Variants in CD300C observed in about 807,000 individuals in gnomAD.
CD300C encodes the protein CMRF35-like molecule 6.
Under a neutral mutation model 18.4 loss-of-function variants are expected in CD300C, and 11 were observed. The observed-to-expected ratio is 0.60, with a 90% CI of 0.38 to 0.99. The LOEUF (loss-of-function observed/expected upper bound fraction) is 0.99. Among genes scored for constraint, CD300C ranks in the 50% least tolerant of loss-of-function variants. The pLI, the probability that CD300C is intolerant of heterozygous loss-of-function variation, is 0.01. For synonymous variants in CD300C, 116 were observed against 116.3 expected, an observed-to-expected ratio of 1.00 and a Z score of 0.02; for missense variants, 277 against 287.4, an observed-to-expected ratio of 0.96 and a Z score of 0.26.
intron 2 of CD300C, among the ~76,000 whole-genome samples, chr17:74,543,880 G>A (rs904500482): frequency 6.6e-6 from 1 of 152,142 alleles, no homozygotes; most frequent in Non-Finnish European, 1.5e-5. Flanking sequence ...AGGTCCCTTT[G>A]CCTGAGGGGG....
intron 2 of CD300C, 61 bp from the exon 3 acceptor site, chr17:74,543,048 C>G: frequency 6.3e-7 from 1 of 1,598,912 alleles, no homozygotes; most frequent in Non-Finnish European, 8.5e-7. Context: ...TTACTCTCAC[C>G]TGTTCTGCTC....
intron 2 of CD300C, among the ~76,000 whole-genome samples, chr17:74,543,916 T>C (rs1320110819): frequency 6.6e-6 from 1 of 152,018 alleles, no homozygotes; most frequent in African/African-American, 2.4e-5. Flanking sequence ...CCTCCTGTGG[T>C]AAAAGGTGCC....
Position 74,544,788 on chromosome 17 carries a change from G to A in CD300C, c.221C>T (p.Ser74Leu). The A allele has an allele frequency of 6.2e-7, 1 of 1,614,238 alleles. No individual in the cohort carries two copies. Among genetic ancestry groups the A allele is most frequent in the Non-Finnish European group, 8.5e-7 (1 of 1,180,042 alleles). Reference sequence around the variant, plus strand: ...CACTCGGCCATTCCTTTTCCCTGCTGACCCTTTGGTCTCCACAATCTTGTC... The same window carrying A: ...CACTCGGCCATTCCTTTTCCCTGCTAACCCTTTGGTCTCCACAATCTTGTC... ...RCDKIVETKG[S>L]AGKRNGRVSI... Residue 74 changes from serine to leucine, a missense_variant, in exon 2 of 4, where the codon TCA becomes TTA. Transcript: ENST00000330793.
intron 1 of CD300C, among the ~76,000 whole-genome samples, 188 bp from the exon 2 acceptor site, chr17:74,545,135 A>C (rs974310853): frequency 6.6e-6 from 1 of 152,134 alleles, no homozygotes; most frequent in African/African-American, 2.4e-5. Flanking sequence ...GGGCATGGGA[A>C]GTTTCCATGG....
chr17:74,537,998 A>G (rs1402794551), downstream of CD300C, among the ~76,000 whole-genome samples: 1 of 152,218 alleles, frequency 6.6e-6, no homozygotes, highest in Non-Finnish European at 1.5e-5. Context: ...AAATTGCATA[A>G]GATCAGCAAG....
chr17:74,544,467 A>C (rs907464238), intron 2 of CD300C, 142 bp downstream of exon 2: 10 of 828,738 alleles, frequency 1.2e-5, no homozygotes, highest in Non-Finnish European at 1.7e-5. Flanking sequence ...ACGCACTCAC[A>C]CTCATCCACA....
At chr17:74,540,929 A>C (rs746354686), downstream of CD300C, among the ~76,000 whole-genome samples, 2 of 152,154 alleles carry the variant, frequency 1.3e-5, no homozygotes, top group Admixed American at 6.5e-5. Flanking sequence ...GGATGTGTCT[A>C]CCTGAAGGAG....
Position 74,541,452 on chromosome 17 carries a change from AG to A in CD300C, c.*136del. ...CATGTGACACATGAGGATCGGGCAC[AG>A]GGAAAAGGCTGAAGGAGGCTCACAA... is the stretch of plus-strand genomic sequence containing the variant. On this transcript the variant is annotated 3_prime_UTR_variant, in exon 4 of 4. Transcript: ENST00000330793. 1.4e-6 allele frequency: 1 copy of A among 694,630 alleles called. No individual in the cohort carries two copies. The highest frequency in any genetic ancestry group is 2.6e-6 in the Non-Finnish European group (1 of 384,518). The allele number at this position is 694,630 out of a possible 1,614,324, so 43.0% of individuals were successfully genotyped here.
intron 2 of CD300C, 88 bp from the exon 3 acceptor site, chr17:74,543,075 G>A: frequency 6.5e-7 from 1 of 1,544,768 alleles, no homozygotes; most frequent in South Asian, 1.1e-5. Context: ...TCACAGACAA[G>A]GTCACCAATG....
chr17:74,543,045 C>T, intron 2 of CD300C, 58 bp from the exon 3 acceptor site: 1 of 1,603,618 alleles, frequency 6.2e-7, no homozygotes, highest in South Asian at 1.1e-5. Context: ...CACTTACTCT[C>T]ACCTGTTCTG....
downstream of CD300C, among the ~76,000 whole-genome samples, chr17:74,537,830 G>C (rs947470590): frequency 2.0e-5 from 3 of 152,298 alleles, no homozygotes; most frequent in East Asian, 5.8e-4. Flanking sequence ...TGTGGTGCAT[G>C]CCTGTAGTCC....
At chr17:74,540,220 C>T (rs530077542), downstream of CD300C, among the ~76,000 whole-genome samples, 32 of 152,262 alleles carry the variant, frequency 2.1e-4, no homozygotes, top group African/African-American at 7.5e-4. Context: ...GGGATCCTGG[C>T]GCTCACCCCC....
chr17:74,544,603 G>C lies in CD300C; in HGVS notation c.400+6C>G. On this transcript the variant is annotated splice_donor_region_variant and intron_variant, in intron 2 of 3. Coordinates refer to ENST00000330793, the MANE Select transcript of CD300C (RefSeq NM_006678.5). ...AGGCCTGGTGCTGAGAAAAGGAGGG[G>C]CTCACCCGGGAACACGGACACCTCA... is the stretch of plus-strand genomic sequence containing the variant. 1 of 1,604,622 alleles carries C rather than the reference G, an allele frequency of 6.2e-7. No individual in the cohort carries two copies. The highest frequency in any genetic ancestry group is 8.5e-7 in the Non-Finnish European group (1 of 1,173,242).
chr17:74,543,816 C>T (rs928111424), intron 2 of CD300C, among the ~76,000 whole-genome samples: 5 of 152,288 alleles, frequency 3.3e-5, no homozygotes, highest in East Asian at 1.9e-4. Flanking sequence ...GAATGATCTT[C>T]GGCACGGGAA....
downstream of CD300C, among the ~76,000 whole-genome samples, chr17:74,538,222 G>A (rs1051881039): frequency 4.6e-5 from 7 of 152,162 alleles, no homozygotes; most frequent in East Asian, 5.8e-4. Flanking sequence ...GTTGCTTGGC[G>A]CGGTATTGAT....
At chr17:74,545,695 C>T (rs755632299) in intron 1 of CD300C, 27 bp downstream of exon 1, 12 of 1,575,208 alleles carry the variant, frequency 7.6e-6, no homozygotes, top group Non-Finnish European at 1.0e-5. Flanking sequence ...GGACAGAGCT[C>T]CCCAAGTCCA....
At chr17:74,543,148 T>C (rs1468641290) in intron 2 of CD300C, among the ~76,000 whole-genome samples, 161 bp from the exon 3 acceptor site, 2 of 152,120 alleles carry the variant, frequency 1.3e-5, no homozygotes, top group African/African-American at 4.8e-5. Flanking sequence ...CTGACCAGGG[T>C]CCTGGGCCTC....
chr17:74,538,082 G>C (rs1278942942), downstream of CD300C, among the ~76,000 whole-genome samples: 2 of 152,198 alleles, frequency 1.3e-5, no homozygotes, highest in African/African-American at 2.4e-5. Flanking sequence ...AGGTTAAAGA[G>C]TATTCTTGGT....
chr17:74,545,608 CCTCCCCTCTCCCTGCCCCA>C, intron 1 of CD300C, 95 bp downstream of exon 1: 1 of 839,580 alleles, frequency 1.2e-6, no homozygotes, highest in Non-Finnish European at 1.9e-6. Flanking sequence ...CCTTTGCCCT[CCTCCCCTCTCCCTGCCCCA>C]CTCCCCTCTA....
Sources: gnomAD v4.1 joint callset for allele counts (sites outside exome capture counted in the v4.1 genomes callset) on GRCh38, gnomAD v4.1.1 for gene constraint, MANE v1.5 for transcripts, NCBI Gene and HGNC (gene_info 2026-07-23, HGNC 2026-07-21) for gene names.